EGFR: variants seen among roughly 807,000 people sequenced by gnomAD.
EGFR encodes epidermal growth factor receptor.
EGFR carries 58 observed loss-of-function variants against 143.0 expected under a neutral mutation model. The observed-to-expected ratio is 0.41, with a 90% CI of 0.33 to 0.50. EGFR has a LOEUF of 0.50. Among genes scored for constraint, EGFR ranks in the 20% least tolerant of loss-of-function variants. The pLI is 0.39. For synonymous variants in EGFR, 613 were observed against 594.4 expected (o/e 1.03, Z -0.45); for missense variants, 1,307 against 1,579.0 (o/e 0.83, Z 2.92).
intron 1 of EGFR, among the ~76,000 whole-genome samples, chr7:55,057,533 A>G (rs1414490140): frequency 6.6e-6 from 1 of 152,240 alleles, no homozygotes. Context: ...AGTAACACCG[A>G]GGTTTGAGAG....
At chr7:55,137,324 T>G (rs1049881588) in intron 1 of EGFR, among the ~76,000 whole-genome samples, 1 of 152,094 alleles carries the variant, frequency 6.6e-6, no homozygotes, top group African/African-American at 2.4e-5. Context: ...ATTAAAACAA[T>G]TATAGTTTAC....
At chr7:55,181,181 G>T in intron 19 of EGFR, 112 bp from the exon 20 acceptor site, 1 of 1,279,678 alleles carries the variant, frequency 7.8e-7, no homozygotes, top group Non-Finnish European at 1.1e-6. Context: ...CCATGAGTAC[G>T]TATTTTGAAA....
chr7:55,085,396 C>A (rs1429603047), intron 1 of EGFR, among the ~76,000 whole-genome samples: 1 of 152,216 alleles, frequency 6.6e-6, no homozygotes, highest in Non-Finnish European at 1.5e-5. Context: ...GCATGGGGAG[C>A]AGGATGCTGG....
At chr7:55,205,108 G>A in intron 27 of EGFR, 148 bp from the exon 28 acceptor site, 1 of 1,209,722 alleles carries the variant, frequency 8.3e-7, no homozygotes, top group Non-Finnish European at 1.1e-6. Flanking sequence ...ACTTTCTTTT[G>A]CAGCAACAGC....
chr7:55,178,524 C>A (rs115967098), intron 19 of EGFR, among the ~76,000 whole-genome samples: 1,905 of 152,226 alleles, frequency 0.013, 55 homozygotes, highest in African/African-American at 0.043. Context: ...GGTCAGGAGA[C>A]CTGGTTGTGG....
intron 1 of EGFR, chr7:55,109,777 G>C: frequency 1.0e-6 from 1 of 985,384 alleles, no homozygotes; most frequent in Non-Finnish European, 1.2e-6. Flanking sequence ...GGGCCTGTCT[G>C]GTGTTTCAGC....
intron 1 of EGFR, among the ~76,000 whole-genome samples, chr7:55,141,374 A>G (rs1794448214): frequency 6.6e-6 from 1 of 152,134 alleles, no homozygotes; most frequent in Non-Finnish European, 1.5e-5. Flanking sequence ...CTATGGTCCA[A>G]CTTTGTCCCT....
At chr7:55,126,239 T>C (rs1209445345) in intron 1 of EGFR, among the ~76,000 whole-genome samples, 5 of 152,196 alleles carry the variant, frequency 3.3e-5, no homozygotes, top group Non-Finnish European at 7.3e-5. Context: ...CCCCACTGGA[T>C]GGTAAGCTTC....
intron 1 of EGFR, among the ~76,000 whole-genome samples, chr7:55,091,671 C>T (rs966319400): frequency 2.0e-5 from 3 of 152,170 alleles, no homozygotes; most frequent in African/African-American, 7.2e-5. Flanking sequence ...AAAATCTGGT[C>T]CTGACTAGTG....
chr7:55,085,217 C>A (rs1790685060), intron 1 of EGFR, among the ~76,000 whole-genome samples: 1 of 152,242 alleles, frequency 6.6e-6, no homozygotes, highest in South Asian at 2.1e-4. Context: ...TGTTTTCCAA[C>A]TGATGCCAGC....
intron 1 of EGFR, among the ~76,000 whole-genome samples, chr7:55,116,547 A>C (rs1792857143): frequency 6.6e-6 from 1 of 151,926 alleles, no homozygotes; most frequent in African/African-American, 2.4e-5. Context: ...ACACACACAC[A>C]CACACACACA....
Position 55,161,506 on chromosome 7 carries a change from A to C in EGFR, c.1506A>C (p.Thr502=), listed in dbSNP as rs1185938442. ...CCCACTCTGTCTCCGCAGAGGCCAC[A>C]GGCCAGGTCTGCCATGCCTTGTGCT... is the stretch of plus-strand genomic sequence containing the variant. ...SNRGENSCKA[T]GQVCHALCSP... is the part of the protein sequence containing the mutation. Residue 502 remains threonine, a synonymous_variant, in exon 13 of 28, where the codon ACA becomes ACC. Coordinates refer to ENST00000275493, the MANE Select transcript of EGFR (RefSeq NM_005228.5). The C allele has an allele frequency of 3.1e-6, 5 of 1,613,890 alleles. No individual in the cohort carries two copies. The highest frequency in any genetic ancestry group is 4.2e-6 in the Non-Finnish European group (5 of 1,180,018).
intron 13 of EGFR, among the ~76,000 whole-genome samples, chr7:55,161,847 G>A (rs1382440936): frequency 6.6e-6 from 1 of 152,060 alleles, no homozygotes; most frequent in Non-Finnish European, 1.5e-5. Context: ...AAGTATTATT[G>A]CCTAATATAA....
chr7:55,048,304 C>T (rs1788295964), intron 1 of EGFR, among the ~76,000 whole-genome samples: 2 of 152,168 alleles, frequency 1.3e-5, no homozygotes, highest in South Asian at 4.1e-4. Context: ...CCAGCATTTC[C>T]AGGGCCCTGC....
intron 1 of EGFR, among the ~76,000 whole-genome samples, chr7:55,138,628 C>T (rs1398662966): frequency 1.3e-5 from 2 of 152,146 alleles, no homozygotes; most frequent in Non-Finnish European, 2.9e-5. Context: ...TAACGTGGGT[C>T]CAGATGCATG....
At chr7:55,202,407 C>A in intron 26 of EGFR, 110 bp from the exon 27 acceptor site, 1 of 950,228 alleles carries the variant, frequency 1.1e-6, no homozygotes, top group Non-Finnish European at 1.6e-6. Flanking sequence ...TCAGGCCTGC[C>A]CAACCTACTA....
chr7:55,192,692 CCA>C, intron 21 of EGFR, 72 bp from the exon 22 acceptor site: 1 of 1,368,680 alleles, frequency 7.3e-7, no homozygotes, highest in Admixed American at 1.7e-5. Flanking sequence ...GTAATTAGGT[CCA>C]GAGTGAGTTA....
At chr7:55,197,651 T>C (rs1322937336) in intron 22 of EGFR, among the ~76,000 whole-genome samples, 1 of 152,238 alleles carries the variant, frequency 6.6e-6, no homozygotes, top group African/African-American at 2.4e-5. Flanking sequence ...GGGTTTGCCA[T>C]AGATGGCTAA....
chr7:55,165,833 A>G (rs1036472718), intron 15 of EGFR, among the ~76,000 whole-genome samples: 3 of 152,244 alleles, frequency 2.0e-5, no homozygotes, highest in Non-Finnish European at 4.4e-5. Flanking sequence ...AATGTTGCTT[A>G]AAGACACTTT....
Sources: allele counts gnomAD v4.1 joint callset (sites outside exome capture counted in the v4.1 genomes callset), GRCh38; gene constraint gnomAD v4.1.1; transcripts MANE v1.5; gene names NCBI Gene and HGNC (gene_info 2026-07-23, HGNC 2026-07-21).